Variants in ST8SIA1 observed in about 807,000 individuals in gnomAD.
The protein encoded by ST8SIA1 is alpha-N-acetylneuraminide alpha-2,8-sialyltransferase.
ST8SIA1 carries 16 observed loss-of-function variants against 35.9 expected under a neutral mutation model. That is an observed-to-expected ratio of 0.45 (90% CI 0.30 to 0.68). ST8SIA1 has a LOEUF of 0.68. Ranked by LOEUF, ST8SIA1 falls within the 30% of genes least tolerant of loss-of-function variation. ST8SIA1 has a pLI of 0.09. For missense variants in ST8SIA1, 383 were observed against 453.6 expected, an observed-to-expected ratio of 0.84 and a Z score of 1.41; for synonymous variants, 170 against 169.6, an observed-to-expected ratio of 1.00 and a Z score of -0.02.
chr12:22,259,331 A>C lies in ST8SIA1; in HGVS notation c.382-3942T>G, dbSNP rs191934460. ...CCATTTTGACTTTTTATTGACAAGC[A>C]ATTTCATTTCATTTCAATAAATATT... On this transcript the variant is annotated intron_variant, in intron 2 of 4. Coordinates refer to ENST00000396037, the MANE Select transcript of ST8SIA1 (RefSeq NM_003034.4). 4.5e-3 allele frequency among the ~76,000 whole-genome samples: 684 copies of C among 152,322 alleles called. 7 individuals carry two copies. Among genetic ancestry groups the C allele is most frequent in the Non-Finnish European group, 8.4e-3 (569 of 68,032 alleles).
intron 1 of ST8SIA1, chr12:22,333,721 A>C: frequency 1.6e-6 from 1 of 610,326 alleles, no homozygotes; most frequent in Non-Finnish European, 3.0e-6. Context: ...TTTATCCGTA[A>C]ATTGTTAAAT....
intron 2 of ST8SIA1, among the ~76,000 whole-genome samples, chr12:22,285,594 G>A (rs7312718): frequency 0.21 from 31,159 of 151,856 alleles, 3,207 homozygotes; most frequent in Middle Eastern, 0.33. Context: ...TTTTACAGTC[G>A]GGCGCGGTGG....
intron 4 of ST8SIA1, among the ~76,000 whole-genome samples, chr12:22,242,323 T>C (rs1865550230): frequency 6.6e-6 from 1 of 152,190 alleles, no homozygotes; most frequent in South Asian, 2.1e-4. Context: ...TAACACTTAT[T>C]TGAATTACAG....
intron 4 of ST8SIA1, among the ~76,000 whole-genome samples, chr12:22,241,689 G>A (rs1474821920): frequency 1.4e-5 from 2 of 147,290 alleles, no homozygotes. Context: ...TGCAAGCAAT[G>A]TGGGAATGGA....
chr12:22,277,112 T>C (rs1399571219), intron 2 of ST8SIA1, among the ~76,000 whole-genome samples: 2 of 152,130 alleles, frequency 1.3e-5, no homozygotes, highest in African/African-American at 4.8e-5. Context: ...GTTCCCTTTC[T>C]TAGAGGGTAG....
rs763191958 is a variant in ST8SIA1 at position 22,255,229 on chromosome 12, G to A, written c.491+51C>T. Reference sequence around the variant, plus strand: ...AAAAGCCCCAGGGCTTATGGGAGGGGTGGGGAAAAGGAGAGAAGGCAGAGG... The same window carrying A: ...AAAAGCCCCAGGGCTTATGGGAGGGATGGGGAAAAGGAGAGAAGGCAGAGG... On this transcript the variant is annotated intron_variant, in intron 3 of 4. Transcript: ENST00000396037. The A allele has an allele frequency of 3.4e-6, 5 of 1,454,458 alleles. No homozygotes were observed. In the South Asian group the frequency reaches 4.6e-5, roughly 13 times the overall value. The allele number at this position is 1,454,458 out of a possible 1,614,324, so 90.1% of individuals were successfully genotyped here. A position where few individuals can be genotyped will look rare whatever the true frequency, so the allele number is the denominator to read the frequency against.
Position 22,262,924 on chromosome 12 carries a change from C to T in ST8SIA1, c.382-7535G>A, listed in dbSNP as rs1353554334. ...GCAGGCTGCAATGTCCTTACCTCCACGTTATAAAAAATAACTAACCTTAAA... is the reference window on the plus strand; with the variant it reads ...GCAGGCTGCAATGTCCTTACCTCCATGTTATAAAAAATAACTAACCTTAAA... On this transcript the variant is annotated intron_variant, in intron 2 of 4. Coordinates refer to ENST00000396037, the MANE Select transcript of ST8SIA1 (RefSeq NM_003034.4). Among the ~76,000 whole-genome samples the T allele has an allele frequency of 2.0e-5, 3 of 152,168 alleles. 1 individual carries two copies. The highest frequency in any genetic ancestry group is 4.4e-5 in the Non-Finnish European group (3 of 68,022).
chr12:22,267,150 C>T (rs1865858853), intron 2 of ST8SIA1, among the ~76,000 whole-genome samples: 1 of 152,090 alleles, frequency 6.6e-6, no homozygotes, highest in African/African-American at 2.4e-5. Flanking sequence ...AGCTTCAGTT[C>T]AGTATTTGCT....
chr12:22,206,409 G>A (rs1197436303), intron 4 of ST8SIA1, among the ~76,000 whole-genome samples: 2 of 152,134 alleles, frequency 1.3e-5, no homozygotes, highest in Non-Finnish European at 2.9e-5. Flanking sequence ...CAGATTATGG[G>A]GTAGCAGAGA....
At position 22,271,750 on chromosome 12, in the gene ST8SIA1, G is replaced by A. The variant is rs141431105; in HGVS notation, c.381+15399C>T. Among the ~76,000 whole-genome samples, 199 of 152,252 alleles carry A rather than the reference G, an allele frequency of 1.3e-3. 1 individual carries two copies. Among genetic ancestry groups the A allele is most frequent in the African/African-American group, 4.7e-3 (194 of 41,532 alleles). On this transcript the variant is annotated intron_variant, in intron 2 of 4. Transcript: ENST00000396037. ...CTCCAAGTAGTCATTCTGATGTTCT[G>A]TGTCCTACATCAGCCTTTCCTGTCT...
intron 3 of ST8SIA1, 72 bp downstream of exon 3, chr12:22,255,208 G>T: frequency 8.1e-7 from 1 of 1,237,486 alleles, no homozygotes; most frequent in Non-Finnish European, 1.2e-6. Flanking sequence ...GTTTTGAAAA[G>T]CCCCAGGGCT....
intron 4 of ST8SIA1, among the ~76,000 whole-genome samples, chr12:22,225,985 A>G (rs75517151): frequency 0.028 from 4,201 of 152,232 alleles, 122 homozygotes; most frequent in Non-Finnish European, 0.04. Flanking sequence ...TGGTTTTGGA[A>G]TATTTACCAG....
intron 1 of ST8SIA1, among the ~76,000 whole-genome samples, chr12:22,311,239 C>T (rs951064275): frequency 5.3e-5 from 8 of 152,154 alleles, no homozygotes; most frequent in Non-Finnish European, 1.2e-4. Flanking sequence ...GGTCTTGTGG[C>T]AAGAGACAGC....
intron 2 of ST8SIA1, 138 bp from the exon 3 acceptor site, chr12:22,255,527 G>T: frequency 1.3e-6 from 1 of 767,776 alleles, no homozygotes; most frequent in Non-Finnish European, 2.2e-6. Context: ...AAAGAAAGAT[G>T]CCAAGAAGTT....
intron 4 of ST8SIA1, among the ~76,000 whole-genome samples, chr12:22,238,691 T>C (rs1310862536): frequency 6.6e-6 from 1 of 152,240 alleles, no homozygotes; most frequent in Non-Finnish European, 1.5e-5. Flanking sequence ...CCTCCTAACT[T>C]ATGCAATGTC....
rs147808491 is a variant in ST8SIA1, at chr12:22,235,049, G to A, written c.584+13957C>T. ...TGTGTGTATGTGCACGTGTGTGAGCGCATGTATTGTGTGTGTGCGCAGGGT... is the reference window on the plus strand; with the variant it reads ...TGTGTGTATGTGCACGTGTGTGAGCACATGTATTGTGTGTGTGCGCAGGGT... On this transcript the variant is annotated intron_variant, in intron 4 of 4. Coordinates refer to ENST00000396037, the MANE Select transcript of ST8SIA1 (RefSeq NM_003034.4). 8.5e-3 allele frequency among the ~76,000 whole-genome samples: 1,296 copies of A among 152,202 alleles called. 8 individuals carry two copies. Among genetic ancestry groups the A allele is most frequent in the Middle Eastern group, 0.027 (8 of 294 alleles).
intron 4 of ST8SIA1, among the ~76,000 whole-genome samples, chr12:22,228,641 A>G (rs1865383249): frequency 1.3e-5 from 2 of 152,220 alleles, no homozygotes; most frequent in Non-Finnish European, 2.9e-5. Context: ...CTCTCTAGGC[A>G]GAGGACATTG....
At chr12:22,317,127 A>G (rs1866531367) in intron 1 of ST8SIA1, among the ~76,000 whole-genome samples, 1 of 145,778 alleles carries the variant, frequency 6.9e-6, no homozygotes, top group Admixed American at 6.7e-5. Flanking sequence ...AAAAAAGAAA[A>G]GGAGAAACAT....
chr12:22,249,226 T>G lies in ST8SIA1; in HGVS notation c.492-128A>C, dbSNP rs887517759. 1.9e-4 allele frequency: 128 copies of G among 664,886 alleles called. 2 individuals carry two copies. The highest frequency in any genetic ancestry group is 2.9e-4 in the Non-Finnish European group (115 of 400,154). The allele number at this position is 664,886 out of a possible 1,614,324, so 41.2% of individuals were successfully genotyped here. Reference sequence around the variant, plus strand: ...AGTAACTGTTTTGTTTTTTGTTTTTTTTTTTTTTTTGAGATGGAGTCTCGC... The same window carrying G: ...AGTAACTGTTTTGTTTTTTGTTTTTGTTTTTTTTTTGAGATGGAGTCTCGC... On this transcript the variant is annotated intron_variant, in intron 3 of 4. Transcript: ENST00000396037.
Sources: gnomAD v4.1 joint callset for allele counts (sites outside exome capture counted in the v4.1 genomes callset) on GRCh38, gnomAD v4.1.1 for gene constraint, MANE v1.5 for transcripts, NCBI Gene and HGNC (gene_info 2026-07-23, HGNC 2026-07-21) for gene names.